Variants in PTCHD4 observed in about 807,000 individuals in gnomAD.
The protein encoded by PTCHD4 is patched domain containing 4.
A neutral mutation model predicts 58.1 loss-of-function variants in PTCHD4; 33 were observed. That is an observed-to-expected ratio of 0.57 (90% CI 0.43 to 0.76). PTCHD4 has a LOEUF of 0.76. Among genes scored for constraint, PTCHD4 ranks in the 30% least tolerant of loss-of-function variants. The probability of loss-of-function intolerance (pLI) is 0.00; values close to 1 mark genes in which losing one functional copy is unlikely to be tolerated. For synonymous variants in PTCHD4, 478 were observed against 409.6 expected, an observed-to-expected ratio of 1.17 and a Z score of -2.02; for missense variants, 1,058 against 1,027.1, an observed-to-expected ratio of 1.03 and a Z score of -0.41.
intron 4 of PTCHD4, among the ~76,000 whole-genome samples, chr6:47,951,321 C>T (rs539119754): frequency 1.4e-4 from 21 of 152,236 alleles, no homozygotes; most frequent in Non-Finnish European, 2.1e-4. Context: ...AGAAGTGGCT[C>T]CTGTATCCTC....
chr6:47,979,738 C>A (rs1767812634), intron 4 of PTCHD4, among the ~76,000 whole-genome samples: 1 of 151,820 alleles, frequency 6.6e-6, no homozygotes, highest in Non-Finnish European at 1.5e-5. Flanking sequence ...TCCCAGGTAC[C>A]CATATATCAG....
intron 3 of PTCHD4, among the ~76,000 whole-genome samples, chr6:48,066,257 A>T (rs1362931012): frequency 6.6e-6 from 1 of 152,216 alleles, no homozygotes; most frequent in Admixed American, 6.5e-5. Flanking sequence ...TGATTATTAA[A>T]TGAGTAAACT....
At chr6:48,103,478 G>T (rs1765651860) in intron 1 of PTCHD4, among the ~76,000 whole-genome samples, 1 of 152,084 alleles carries the variant, frequency 6.6e-6, no homozygotes, top group African/African-American at 2.4e-5. Context: ...AAGACCAAAG[G>T]TAGATAAAAC....
intron 4 of PTCHD4, among the ~76,000 whole-genome samples, chr6:47,896,484 C>T (rs921572746): frequency 1.3e-5 from 2 of 152,152 alleles, no homozygotes; most frequent in Non-Finnish European, 2.9e-5. Context: ...AGTTGCCTGC[C>T]GCTTCAATGC....
At chr6:47,997,894 T>C (rs796503133) in intron 4 of PTCHD4, among the ~76,000 whole-genome samples, 1 of 152,240 alleles carries the variant, frequency 6.6e-6, no homozygotes, top group East Asian at 1.9e-4. Flanking sequence ...TTTTCTTTTT[T>C]GTTAGATCAC....
chr6:47,960,056 A>G (rs1179772938), intron 4 of PTCHD4, among the ~76,000 whole-genome samples: 1 of 152,222 alleles, frequency 6.6e-6, no homozygotes, highest in East Asian at 1.9e-4. Context: ...ATAATATGTG[A>G]TAACAATGAC....
Position 47,861,459 on chromosome 6 carries a change from G to T in PTCHD4, c.*16844C>A, listed in dbSNP as rs754338866. On this transcript the variant is annotated 3_prime_UTR_variant, in exon 5 of 5. Transcript: ENST00000339488. ...GTGTATTAATTTCAAACAAAAAGAT[G>T]TATACCCTCAAGGCTGTATCTGCTG... 1.3e-4 allele frequency among the ~76,000 whole-genome samples: 19 copies of T among 151,900 alleles called. No homozygotes were observed. Among genetic ancestry groups the T allele is most frequent in the African/African-American group, 2.2e-4 (9 of 41,404 alleles).
intron 4 of PTCHD4, among the ~76,000 whole-genome samples, chr6:47,897,363 A>G (rs1005905309): frequency 1.3e-5 from 2 of 152,240 alleles, no homozygotes; most frequent in Non-Finnish European, 2.9e-5. Flanking sequence ...GACAAGTAAG[A>G]AGCGCCAAGG....
At chr6:48,022,009 G>A (rs1026145490) in intron 3 of PTCHD4, among the ~76,000 whole-genome samples, 6 of 152,016 alleles carry the variant, frequency 3.9e-5, no homozygotes, top group Non-Finnish European at 1.5e-5. Context: ...CAATAACGTA[G>A]CCTTTATTTA....
chr6:48,045,654 C>A lies in PTCHD4; in HGVS notation c.417+22576G>T, dbSNP rs886857434. Among the ~76,000 whole-genome samples, 4 of 151,792 alleles carry A rather than the reference C, an allele frequency of 2.6e-5. No homozygotes were observed. The East Asian group carries it at 7.7e-4, about 29-fold the overall frequency. ...TGTATAGGATATTTCCTGTAATTAT[C>A]CCCATTTTAAAATAAGAAAGCAAAG... On this transcript the variant is annotated intron_variant, in intron 3 of 4. Coordinates refer to ENST00000339488, the MANE Select transcript of PTCHD4 (RefSeq NM_001384253.1).
chr6:47,992,039 C>T (rs1768298032), intron 4 of PTCHD4, among the ~76,000 whole-genome samples: 1 of 151,992 alleles, frequency 6.6e-6, no homozygotes, highest in South Asian at 2.1e-4. Flanking sequence ...AATCATTAGC[C>T]TGGAAGAATC....
intron 4 of PTCHD4, among the ~76,000 whole-genome samples, chr6:47,924,078 C>T (rs1322306999): frequency 1.3e-5 from 2 of 152,110 alleles, no homozygotes; most frequent in East Asian, 1.9e-4. Context: ...TGCACCTTGC[C>T]GGCTACATCC....
intron 4 of PTCHD4, among the ~76,000 whole-genome samples, chr6:47,885,261 A>G (rs1764154495): frequency 6.6e-6 from 1 of 152,080 alleles, no homozygotes; most frequent in Non-Finnish European, 1.5e-5. Context: ...ATGAATAGAA[A>G]TAATAAGGGG....
At chr6:47,996,611 G>A (rs141994294) in intron 4 of PTCHD4, among the ~76,000 whole-genome samples, 98 of 152,314 alleles carry the variant, frequency 6.4e-4, no homozygotes, top group Admixed American at 1.8e-3. Context: ...TGACCACACA[G>A]TCTTGAGAAT....
chr6:47,893,008 T>C (rs771641497), intron 4 of PTCHD4, among the ~76,000 whole-genome samples: 1 of 152,184 alleles, frequency 6.6e-6, no homozygotes, highest in Non-Finnish European at 1.5e-5. Flanking sequence ...TTAACTTTAT[T>C]AGAGATCTTT....
chr6:47,990,190 G>C (rs956545071), intron 4 of PTCHD4, among the ~76,000 whole-genome samples: 8 of 152,326 alleles, frequency 5.3e-5, no homozygotes, highest in Admixed American at 5.2e-4. Context: ...ATTGTATCTA[G>C]AAAGTAACCA....
In PTCHD4 at chr6:47,875,124, G is replaced by T. The variant is rs1367939518; in HGVS notation, c.*3179C>A. Among the ~76,000 whole-genome samples, 2 of 151,856 alleles carry T rather than the reference G, an allele frequency of 1.3e-5. No homozygotes were observed. Among genetic ancestry groups the T allele is most frequent in the Admixed American group, 6.6e-5 (1 of 15,210 alleles). On this transcript the variant is annotated 3_prime_UTR_variant, in exon 5 of 5. Transcript: ENST00000339488. ...AACCTCTTACTTTAAGGGCATATAT[G>T]TTTCAATTAAATAAAATATTACACA...
chr6:47,982,398 C>CTTT (rs1263419578), intron 4 of PTCHD4, among the ~76,000 whole-genome samples: 3 of 151,918 alleles, frequency 2.0e-5, no homozygotes, highest in African/African-American at 7.3e-5. Flanking sequence ...ATGTCCTAAA[C>CTTT]AGTCCTTATT....
intron 1 of PTCHD4, among the ~76,000 whole-genome samples, chr6:48,093,531 A>G (rs1765406454): frequency 2.0e-5 from 3 of 152,132 alleles, no homozygotes; most frequent in Admixed American, 2.0e-4. Flanking sequence ...ATAATTTAAA[A>G]TAGATCAAAG....
Sources: allele counts gnomAD v4.1 joint callset (sites outside exome capture counted in the v4.1 genomes callset), GRCh38; gene constraint gnomAD v4.1.1; transcripts MANE v1.5; gene names NCBI Gene and HGNC (gene_info 2026-07-23, HGNC 2026-07-21).